The following SNAP23 variants were observed in gnomAD, a reference collection of about 807,000 sequenced individuals.
SNAP23 encodes the protein synaptosome associated protein 23.
In SNAP23, 11 loss-of-function variants were observed where a neutral mutation model predicts 29.0. The observed-to-expected ratio is 0.38, with a 90% CI of 0.24 to 0.63. The LOEUF (loss-of-function observed/expected upper bound fraction) is 0.63, where lower values mean the gene tolerates loss of function less well. Among genes scored for constraint, SNAP23 ranks in the 20% least tolerant of loss-of-function variants. The pLI is 0.58. For missense variants in SNAP23, 220 were observed against 253.9 expected (o/e 0.87, Z 0.91); for synonymous variants, 60 against 82.9 (o/e 0.72, Z 1.50).
chr15:42,525,391 G>T (rs1211833932), intron 5 of SNAP23, among the ~76,000 whole-genome samples: 1 of 130,126 alleles, frequency 7.7e-6, no homozygotes, highest in Non-Finnish European at 1.6e-5. Context: ...AAAATTCAAA[G>T]TCAGCTTTTT....
chr15:42,527,751 G>T (rs2057517422), intron 5 of SNAP23, among the ~76,000 whole-genome samples: 1 of 152,020 alleles, frequency 6.6e-6, no homozygotes, highest in Non-Finnish European at 1.5e-5. Flanking sequence ...CTCCCAAAGT[G>T]CTGGGAGTAC....
intron 1 of SNAP23, among the ~76,000 whole-genome samples, chr15:42,500,496 C>G (rs2057260252): frequency 1.3e-5 from 2 of 150,552 alleles, no homozygotes; most frequent in African/African-American, 4.9e-5. Flanking sequence ...TCAAGTGATT[C>G]TCCTGCCTCA....
At chr15:42,504,920 G>GTAA (rs1425757412) in intron 1 of SNAP23, among the ~76,000 whole-genome samples, 3 of 152,118 alleles carry the variant, frequency 2.0e-5, no homozygotes, top group Non-Finnish European at 4.4e-5. Context: ...TAAAAGTACA[G>GTAA]TAATAAACCC....
intron 3 of SNAP23, 29 bp from the exon 4 acceptor site, chr15:42,513,370 T>C: frequency 6.2e-7 from 1 of 1,606,278 alleles, no homozygotes; most frequent in Non-Finnish European, 8.5e-7. Flanking sequence ...TGTTTTGTTG[T>C]ACTATCAGCT....
intron 1 of SNAP23, among the ~76,000 whole-genome samples, chr15:42,499,340 G>A (rs1333616053): frequency 6.6e-6 from 1 of 152,098 alleles, no homozygotes; most frequent in Non-Finnish European, 1.5e-5. Flanking sequence ...CCAAAGTGTT[G>A]GGATTACAGG....
intron 1 of SNAP23, among the ~76,000 whole-genome samples, chr15:42,499,356 G>A (rs1291133006): frequency 1.3e-5 from 2 of 152,208 alleles, no homozygotes; most frequent in Non-Finnish European, 2.9e-5. Flanking sequence ...ACAGGCGTGA[G>A]CCACCGCGCC....
chr15:42,509,947 T>A lies in SNAP23; in HGVS notation c.-14-1886T>A, dbSNP rs1380654993. On this transcript the variant is annotated intron_variant, in intron 1 of 7. Transcript: ENST00000249647. ...AGTGGGGCGTGGTGGTGCATGCCTG[T>A]AATCCCAGCTCCTTGGGAGGCTGAG... Among the ~76,000 whole-genome samples the A allele has an allele frequency of 2.6e-5, 4 of 151,848 alleles. No individual in the cohort carries two copies. In the East Asian group the frequency reaches 7.9e-4, roughly 30 times the overall value.
chr15:42,494,499 A>AT (rs200459466), upstream of SNAP23, among the ~76,000 whole-genome samples: 1,377 of 116,360 alleles, frequency 0.012, 29 homozygotes, highest in African/African-American at 0.043. Context: ...ACACCCAGCT[A>AT]TTTTTTCTTT....
In SNAP23 at chr15:42,528,435, C is replaced by T. The variant is rs751608909; in HGVS notation, c.425+15C>T. Reference sequence around the variant, plus strand: ...TACATTAAACGGTATGCCAACTCCTCCTGATATTCCTGTACCTTTCTTAAT... The same window carrying T: ...TACATTAAACGGTATGCCAACTCCTTCTGATATTCCTGTACCTTTCTTAAT... On this transcript the variant is annotated intron_variant, in intron 6 of 7. Coordinates refer to ENST00000249647, the MANE Select transcript of SNAP23 (RefSeq NM_003825.4). 6 of 1,613,196 alleles carry T rather than the reference C, an allele frequency of 3.7e-6. No individual in the cohort carries two copies. Among genetic ancestry groups the T allele is most frequent in the South Asian group, 1.1e-5 (1 of 91,074 alleles).
intron 1 of SNAP23, among the ~76,000 whole-genome samples, chr15:42,498,219 G>C (rs1420263877): frequency 6.6e-6 from 1 of 152,208 alleles, no homozygotes; most frequent in Non-Finnish European, 1.5e-5. Flanking sequence ...GGGGATTCTG[G>C]GGGGTGGGCG....
chr15:42,525,131 G>T (rs1427605667), intron 5 of SNAP23, among the ~76,000 whole-genome samples: 1 of 150,892 alleles, frequency 6.6e-6, no homozygotes, highest in African/African-American at 2.5e-5. Flanking sequence ...ACTTTGGGAG[G>T]CCGAGGCAGG....
upstream of SNAP23, among the ~76,000 whole-genome samples, chr15:42,494,260 T>C (rs541528221): frequency 1.3e-5 from 2 of 152,250 alleles, no homozygotes; most frequent in East Asian, 1.9e-4. Flanking sequence ...AAGTTGTTTT[T>C]TTCAACCCCA....
chr15:42,517,929 T>G (rs1270412927), intron 5 of SNAP23, among the ~76,000 whole-genome samples: 3 of 152,050 alleles, frequency 2.0e-5, no homozygotes, highest in Non-Finnish European at 4.4e-5. Flanking sequence ...CCCAGGCTTG[T>G]ATCAAACTCC....
At chr15:42,520,037 C>T (rs558954711) in intron 5 of SNAP23, among the ~76,000 whole-genome samples, 77 of 148,800 alleles carry the variant, frequency 5.2e-4, no homozygotes, top group African/African-American at 1.9e-3. Context: ...CCAGGCAGAA[C>T]CCCCTTGCTT....
chr15:42,508,353 T>C (rs1344596170), intron 1 of SNAP23, among the ~76,000 whole-genome samples: 1 of 152,108 alleles, frequency 6.6e-6, no homozygotes, highest in Non-Finnish European at 1.5e-5. Flanking sequence ...CTTTTATATC[T>C]GCAGGTTCCT....
chr15:42,497,792 A>G (rs2057234422), intron 1 of SNAP23, among the ~76,000 whole-genome samples: 1 of 152,210 alleles, frequency 6.6e-6, no homozygotes, highest in Non-Finnish European at 1.5e-5. Context: ...CCTTTTGCCT[A>G]GGAGCCTGTA....
intron 5 of SNAP23, among the ~76,000 whole-genome samples, chr15:42,524,343 A>ATCT (rs771863005): frequency 3.3e-5 from 5 of 152,108 alleles, no homozygotes; most frequent in Admixed American, 2.6e-4. Context: ...GCAGCCTACT[A>ATCT]TCTATGTGTT....
At chr15:42,497,736 A>T (rs543189961) in intron 1 of SNAP23, among the ~76,000 whole-genome samples, 2 of 152,302 alleles carry the variant, frequency 1.3e-5, no homozygotes, top group Non-Finnish European at 2.9e-5. Flanking sequence ...TTCCAGTATT[A>T]ACCCAAAAGT....
intron 1 of SNAP23, among the ~76,000 whole-genome samples, chr15:42,504,017 AG>A (rs2057297593): frequency 6.6e-6 from 1 of 152,140 alleles, no homozygotes; most frequent in Admixed American, 6.6e-5. Context: ...AAGTAAAAGG[AG>A]GAAGCCATCC....
Sources: gnomAD v4.1 joint callset for allele counts (sites outside exome capture counted in the v4.1 genomes callset) on GRCh38, gnomAD v4.1.1 for gene constraint, MANE v1.5 for transcripts, NCBI Gene and HGNC (gene_info 2026-07-23, HGNC 2026-07-21) for gene names.